SDK1: variants seen among roughly 807,000 people sequenced by gnomAD.
SDK1 encodes protein sidekick-1.
SDK1 carries 157 observed loss-of-function variants against 245.5 expected under a neutral mutation model. That is an observed-to-expected ratio of 0.64 (90% CI 0.56 to 0.73). The LOEUF (loss-of-function observed/expected upper bound fraction) is 0.73, where lower values mean the gene tolerates loss of function less well. Among genes scored for constraint, SDK1 ranks in the 30% least tolerant of loss-of-function variants. The pLI is 0.00. For missense variants in SDK1, 3,583 were observed against 3,002.3 expected (o/e 1.19, Z -4.52); for synonymous variants, 1,647 against 1,278.5 (o/e 1.29, Z -6.15).
Position 4,245,605 on chromosome 7 carries a change from C to T in SDK1, c.6252-71C>T, listed in dbSNP as rs981634888. On this transcript the variant is annotated intron_variant, in intron 43 of 44. Coordinates refer to ENST00000404826, the MANE Select transcript of SDK1 (RefSeq NM_152744.4). ...GTCCAACGCAATAAAGGCCAAATGC[C>T]AGGTTAGGAGTCCTCCGGGGAAGGG... The T allele has an allele frequency of 7.7e-6, 12 of 1,556,034 alleles. No homozygotes were observed. In the African/African-American group the frequency reaches 1.2e-4, roughly 16 times the overall value.
intron 32 of SDK1, among the ~76,000 whole-genome samples, chr7:4,162,345 G>GTGA (rs1781189346): frequency 7.8e-6 from 1 of 128,660 alleles, no homozygotes; most frequent in Non-Finnish European, 1.6e-5. Context: ...GTGGGTGGTG[G>GTGA]TGGTGGTGGT....
At chr7:3,616,016 C>T (rs767735281) in intron 1 of SDK1, among the ~76,000 whole-genome samples, 67 of 152,064 alleles carry the variant, frequency 4.4e-4, no homozygotes, top group Non-Finnish European at 5.1e-4. Flanking sequence ...TCCTTAGTAG[C>T]TGGGACTGCA....
At chr7:4,049,502 T>C in intron 18 of SDK1, 39 bp downstream of exon 18, 1 of 1,501,422 alleles carries the variant, frequency 6.7e-7, no homozygotes, top group Non-Finnish European at 9.3e-7. Context: ...GCAGCTGTCA[T>C]TGTCTGGAGC....
intron 4 of SDK1, among the ~76,000 whole-genome samples, chr7:3,656,653 C>T (rs1204715849): frequency 6.6e-6 from 1 of 152,048 alleles, no homozygotes; most frequent in Non-Finnish European, 1.5e-5. Context: ...GTCAGTGGGA[C>T]TCAACCCATA....
chr7:3,895,046 C>G (rs539124784), intron 5 of SDK1, among the ~76,000 whole-genome samples: 68 of 152,220 alleles, frequency 4.5e-4, no homozygotes, highest in African/African-American at 1.6e-3. Context: ...TGATTCATTC[C>G]TCTAAAAATA....
At chr7:3,462,881 A>T (rs1460702693) in intron 1 of SDK1, among the ~76,000 whole-genome samples, 1 of 152,202 alleles carries the variant, frequency 6.6e-6, no homozygotes, top group Non-Finnish European at 1.5e-5. Context: ...CAGAAGTGAT[A>T]TCATGTTACC....
chr7:3,347,892 GTT>G (rs10598226), intron 1 of SDK1, among the ~76,000 whole-genome samples: 54,504 of 149,416 alleles, frequency 0.36, 9,997 homozygotes, highest in African/African-American at 0.42. Flanking sequence ...CATTAAATAT[GTT>G]TTTTTTTTTT....
intron 1 of SDK1, among the ~76,000 whole-genome samples, chr7:3,599,090 CTTTTTTTT>C (rs58431507): frequency 1.2e-5 from 1 of 80,492 alleles, no homozygotes; most frequent in Non-Finnish European, 2.5e-5. Flanking sequence ...ACTAATCCAC[CTTTTTTTT>C]TTTTTTTTTT....
At chr7:3,890,439 A>G (rs1244098854) in intron 5 of SDK1, among the ~76,000 whole-genome samples, 1 of 152,206 alleles carries the variant, frequency 6.6e-6, no homozygotes, top group East Asian at 1.9e-4. Flanking sequence ...AAACAACATC[A>G]TTAAGCTTGT....
intron 17 of SDK1, among the ~76,000 whole-genome samples, chr7:4,037,730 C>A (rs1788324488): frequency 6.6e-6 from 1 of 152,132 alleles, no homozygotes; most frequent in African/African-American, 2.4e-5. Context: ...ATTAGACGTG[C>A]CATTCTGATA....
rs998446320 is a variant in SDK1, at chr7:3,680,670, C to G, written c.713+38565C>G. On this transcript the variant is annotated intron_variant, in intron 4 of 44. Coordinates refer to ENST00000404826, the MANE Select transcript of SDK1 (RefSeq NM_152744.4). The stretch of plus-strand genomic sequence containing the variant: ...GTGATTTTAAAATACAGGTTTGCAT[C>G]TTTTAATTATTGTCAAGTAACTATT... 3.3e-5 allele frequency among the ~76,000 whole-genome samples: 5 copies of G among 152,038 alleles called. No individual in the cohort carries two copies. In the East Asian group the frequency reaches 9.6e-4, roughly 29 times the overall value.
At chr7:3,541,871 G>C (rs144526705) in intron 1 of SDK1, among the ~76,000 whole-genome samples, 4 of 152,224 alleles carry the variant, frequency 2.6e-5, no homozygotes, top group Non-Finnish European at 4.4e-5. Context: ...CTTATGTTTT[G>C]TTATGTAATT....
intron 1 of SDK1, among the ~76,000 whole-genome samples, chr7:3,410,415 A>G (rs753363796): frequency 9.2e-5 from 14 of 152,132 alleles, no homozygotes; most frequent in Non-Finnish European, 1.3e-4. Flanking sequence ...GCAAATATTC[A>G]AAAATCTGAA....
intron 4 of SDK1, among the ~76,000 whole-genome samples, chr7:3,653,641 T>G (rs149385892): frequency 2.1e-3 from 322 of 152,150 alleles, no homozygotes; most frequent in Admixed American, 3.3e-3. Context: ...GCATTGAGAA[T>G]AAACGCATCC....
chr7:4,182,023 A>ACC (rs1233284187), intron 35 of SDK1, among the ~76,000 whole-genome samples: 2 of 152,090 alleles, frequency 1.3e-5, no homozygotes. Flanking sequence ...AGGTTCAAGC[A>ACC]ATTCTCCTGC....
intron 16 of SDK1, among the ~76,000 whole-genome samples, chr7:4,014,752 G>T (rs1786261624): frequency 6.6e-6 from 1 of 152,132 alleles, no homozygotes; most frequent in South Asian, 2.1e-4. Context: ...AAATCATCTT[G>T]TTCTGGCTGA....
intron 1 of SDK1, among the ~76,000 whole-genome samples, chr7:3,395,884 G>C (rs1205960762): frequency 6.6e-6 from 1 of 151,430 alleles, no homozygotes; most frequent in East Asian, 1.9e-4. Context: ...TTTGCCAAGG[G>C]TTTGCCAATT....
chr7:3,845,837 A>G lies in SDK1; in HGVS notation c.847+24254A>G, dbSNP rs79292998. Reference sequence around the variant, plus strand: ...AAATTTGAGTGAATAAATTACTGGTACATTTAGAAAGCGGATGAATTGGCA... The same window carrying G: ...AAATTTGAGTGAATAAATTACTGGTGCATTTAGAAAGCGGATGAATTGGCA... On this transcript the variant is annotated intron_variant, in intron 5 of 44. Coordinates refer to ENST00000404826, the MANE Select transcript of SDK1 (RefSeq NM_152744.4). Among the ~76,000 whole-genome samples, 368 of 152,338 alleles carry G rather than the reference A, an allele frequency of 2.4e-3. 2 individuals are homozygous for G. Among genetic ancestry groups the G allele is most frequent in the African/African-American group, 8.7e-3 (360 of 41,568 alleles).
chr7:3,721,892 CCT>C (rs1307219910), intron 4 of SDK1, among the ~76,000 whole-genome samples: 1 of 152,132 alleles, frequency 6.6e-6, no homozygotes, highest in African/African-American at 2.4e-5. Flanking sequence ...CCAATTATCT[CCT>C]GATTTTCTCT....
Sources: allele counts gnomAD v4.1 joint callset (sites outside exome capture counted in the v4.1 genomes callset), GRCh38; gene constraint gnomAD v4.1.1; transcripts MANE v1.5; gene names NCBI Gene and HGNC (gene_info 2026-07-23, HGNC 2026-07-21).